The following PDE7B variants were observed in gnomAD, a reference collection of about 807,000 sequenced individuals.
The protein encoded by PDE7B is phosphodiesterase 7B, also known as 3',5'-cyclic-AMP phosphodiesterase 7B.
Under a neutral mutation model 56.2 loss-of-function variants are expected in PDE7B, and 29 were observed. The ratio of observed to expected loss-of-function variants is 0.52; its 90% CI spans 0.38 to 0.70. PDE7B has a LOEUF of 0.70. PDE7B is among the 30% of genes least tolerant of loss of function. The pLI, the probability that PDE7B is intolerant of heterozygous loss-of-function variation, is 0.00. For synonymous variants in PDE7B, 197 were observed against 196.9 expected, an observed-to-expected ratio of 1.00 and a Z score of 0.00; for missense variants, 490 against 565.0, an observed-to-expected ratio of 0.87 and a Z score of 1.35.
intron 2 of PDE7B, among the ~76,000 whole-genome samples, chr6:135,998,191 C>G (rs1321613643): frequency 6.6e-6 from 1 of 151,970 alleles, no homozygotes; most frequent in African/African-American, 2.4e-5. Context: ...CATAGTTTTT[C>G]CAAGTAAAAA....
At chr6:136,145,248 G>C (rs1459819604) in intron 3 of PDE7B, among the ~76,000 whole-genome samples, 1 of 151,966 alleles carries the variant, frequency 6.6e-6, no homozygotes, top group Non-Finnish European at 1.5e-5. Flanking sequence ...TCAGCCAATG[G>C]TTTACAATCC....
At chr6:136,078,497 C>A (rs184696347) in intron 2 of PDE7B, among the ~76,000 whole-genome samples, 8 of 151,650 alleles carry the variant, frequency 5.3e-5, no homozygotes, top group African/African-American at 1.9e-4. Context: ...TTAAAGTAGA[C>A]TTCAATATCT....
chr6:135,960,604 T>A (rs4896186), intron 2 of PDE7B, among the ~76,000 whole-genome samples: 56,076 of 152,036 alleles, frequency 0.37, 10,638 homozygotes, highest in Admixed American at 0.52. Flanking sequence ...GTTTTTAACT[T>A]TTTAATTGAA....
At chr6:136,109,107 G>A (rs866948927) in intron 3 of PDE7B, among the ~76,000 whole-genome samples, 8 of 152,118 alleles carry the variant, frequency 5.3e-5, no homozygotes, top group East Asian at 1.9e-4. Flanking sequence ...CCAGCACTTC[G>A]GGAGGCCAAG....
intron 8 of PDE7B, 102 bp downstream of exon 8, chr6:136,155,860 C>G (rs1451331300): frequency 8.1e-7 from 1 of 1,241,404 alleles, no homozygotes; most frequent in South Asian, 1.2e-5. Flanking sequence ...GTTTTAGGGT[C>G]CTAGAAGTTC....
At chr6:136,133,454 G>A (rs1426968741) in intron 3 of PDE7B, among the ~76,000 whole-genome samples, 3 of 152,202 alleles carry the variant, frequency 2.0e-5, no homozygotes, top group Middle Eastern at 3.4e-3. Flanking sequence ...CTTCTACACA[G>A]GGGATCATCC....
At chr6:136,029,301 A>C (rs1776200954) in intron 2 of PDE7B, among the ~76,000 whole-genome samples, 1 of 152,216 alleles carries the variant, frequency 6.6e-6, no homozygotes, top group South Asian at 2.1e-4. Flanking sequence ...AGCAGGAAAA[A>C]AAAAGTAATA....
intron 1 of PDE7B, among the ~76,000 whole-genome samples, chr6:135,882,990 C>T (rs1190626008): frequency 6.6e-6 from 1 of 152,134 alleles, no homozygotes; most frequent in Non-Finnish European, 1.5e-5. Context: ...AACATCAAAA[C>T]ACAAATCTCC....
intron 2 of PDE7B, among the ~76,000 whole-genome samples, chr6:136,064,992 G>A (rs1416352276): frequency 6.6e-6 from 1 of 152,178 alleles, no homozygotes; most frequent in African/African-American, 2.4e-5. Context: ...CAATTTGTAG[G>A]TTTACGAGGG....
chr6:136,025,476 AT>A (rs1304928803), intron 2 of PDE7B, among the ~76,000 whole-genome samples: 1 of 152,206 alleles, frequency 6.6e-6, no homozygotes, highest in Non-Finnish European at 1.5e-5. Flanking sequence ...ATAAATTATT[AT>A]TAGGGACAGA....
chr6:135,854,177 T>A (rs1490065565), intron 1 of PDE7B, among the ~76,000 whole-genome samples: 2 of 152,202 alleles, frequency 1.3e-5, no homozygotes, highest in Non-Finnish European at 2.9e-5. Flanking sequence ...GTCTAACTTG[T>A]TGTTAGCCAG....
chr6:135,977,004 T>C (rs1382241154), intron 2 of PDE7B, among the ~76,000 whole-genome samples: 1 of 152,066 alleles, frequency 6.6e-6, no homozygotes, highest in Non-Finnish European at 1.5e-5. Context: ...CTGAATTCTG[T>C]GTATTCTGAG....
intron 1 of PDE7B, among the ~76,000 whole-genome samples, chr6:135,900,311 G>A (rs1314421954): frequency 1.3e-5 from 2 of 151,702 alleles, no homozygotes; most frequent in Non-Finnish European, 2.9e-5. Flanking sequence ...ACTTCTTTAG[G>A]AATACTGGTA....
At chr6:135,934,784 ATATATATTTTAAATATATATATTTAT>A (rs1374573919) in intron 1 of PDE7B, among the ~76,000 whole-genome samples, 1 of 120,930 alleles carries the variant, frequency 8.3e-6, no homozygotes, top group African/African-American at 3.2e-5. Flanking sequence ...TATTTATTAT[ATATATATTTTAAATATATATATTTAT>A]TATATATATA....
chr6:135,969,020 G>A lies in PDE7B; in HGVS notation c.82+21496G>A, dbSNP rs372381643. On this transcript the variant is annotated intron_variant, in intron 2 of 12. Coordinates refer to ENST00000308191, the MANE Select transcript of PDE7B (RefSeq NM_018945.4). ...ATGGAGCTGGGAGCCATTATACCCA[G>A]CAAACTAATGCAGGAACAGAAAACC... Among the ~76,000 whole-genome samples the A allele has an allele frequency of 1.2e-4, 19 of 152,256 alleles. No homozygotes were observed. The Middle Eastern group carries it at 0.014, about 109-fold the overall frequency.
At chr6:136,133,305 A>G (rs963121148) in intron 3 of PDE7B, among the ~76,000 whole-genome samples, 3 of 151,492 alleles carry the variant, frequency 2.0e-5, no homozygotes, top group African/African-American at 7.3e-5. Context: ...TTCTTTCTGG[A>G]AGTTTTTAGA....
chr6:135,936,984 A>G lies in PDE7B; in HGVS notation c.22-10480A>G, dbSNP rs541166353. The stretch of plus-strand genomic sequence containing the variant: ...TTGTGAACACACTGTGTGAGACACT[A>G]CTAAGAAGGGAGTCAGAGTGAGGAG... On this transcript the variant is annotated intron_variant, in intron 1 of 12. Coordinates refer to ENST00000308191, the MANE Select transcript of PDE7B (RefSeq NM_018945.4). Among the ~76,000 whole-genome samples, 111 of 152,336 alleles carry G rather than the reference A, an allele frequency of 7.3e-4. 5 individuals are homozygous for G. In the South Asian group the frequency reaches 0.022, roughly 30 times the overall value.
intron 1 of PDE7B, among the ~76,000 whole-genome samples, chr6:135,867,050 T>A (rs1173439697): frequency 6.6e-6 from 1 of 152,166 alleles, no homozygotes; most frequent in African/African-American, 2.4e-5. Context: ...CGAGCACAGG[T>A]GAACTTGAAG....
intron 2 of PDE7B, among the ~76,000 whole-genome samples, chr6:135,964,587 T>G (rs1259013397): frequency 6.6e-6 from 1 of 152,224 alleles, no homozygotes; most frequent in Non-Finnish European, 1.5e-5. Context: ...AAAAGTTGAT[T>G]TGTATAATAT....
Sources: gnomAD v4.1 joint callset for allele counts (sites outside exome capture counted in the v4.1 genomes callset) on GRCh38, gnomAD v4.1.1 for gene constraint, MANE v1.5 for transcripts, NCBI Gene and HGNC (gene_info 2026-07-23, HGNC 2026-07-21) for gene names.